Variants in RBFOX3 observed in about 807,000 individuals in gnomAD.
RBFOX3 encodes the protein RNA binding protein fox-1 homolog 3.
A neutral mutation model predicts 48.7 loss-of-function variants in RBFOX3; 17 were observed. The ratio of observed to expected loss-of-function variants is 0.35; its 90% confidence interval spans 0.24 to 0.52. The LOEUF is 0.52. Among genes scored for constraint, RBFOX3 ranks in the 20% least tolerant of loss-of-function variants. The pLI is 0.94. For missense variants in RBFOX3, 382 were observed against 497.5 expected (o/e 0.77, Z 2.21); for synonymous variants, 212 against 209.5 (o/e 1.01, Z -0.10).
At chr17:79,173,665 C>T (rs979844769) in intron 4 of RBFOX3, among the ~76,000 whole-genome samples, 4 of 152,166 alleles carry the variant, frequency 2.6e-5, no homozygotes, top group Non-Finnish European at 4.4e-5. Flanking sequence ...GACCCCATCC[C>T]GTCCGCTCAC....
At chr17:79,531,576 A>T (rs1044864779) in intron 1 of RBFOX3, among the ~76,000 whole-genome samples, 22 of 152,302 alleles carry the variant, frequency 1.4e-4, no homozygotes, top group African/African-American at 5.3e-4. Context: ...CTGCCTGCAG[A>T]AGGGAAAACC....
Position 79,502,668 on chromosome 17 carries a change from T to A in RBFOX3, c.-319-20070A>T, listed in dbSNP as rs1336842298. Among the ~76,000 whole-genome samples, 4 of 152,228 alleles carry A rather than the reference T, an allele frequency of 2.6e-5. No individual in the cohort carries two copies. In the East Asian group the frequency reaches 7.7e-4, roughly 29 times the overall value. ...GCTTGGGCAGAGGGAGCAGCTCCAA[T>A]CTTGCCTTTGAACTGGAGAAAAACG... On this transcript the variant is annotated intron_variant, in intron 1 of 14. Transcript: ENST00000693108.
chr17:79,331,984 T>C, intron 2 of RBFOX3, among the ~76,000 whole-genome samples: 1 of 152,194 alleles, frequency 6.6e-6, no homozygotes, highest in East Asian at 1.9e-4. Flanking sequence ...TGCTCTAGAC[T>C]ATTCTGTTTT....
chr17:79,184,897 C>G (rs1568304320), intron 4 of RBFOX3, among the ~76,000 whole-genome samples: 1 of 152,294 alleles, frequency 6.6e-6, no homozygotes, highest in South Asian at 2.1e-4. Context: ...GTTTCCACAT[C>G]CAGCCCGAGA....
intron 1 of RBFOX3, among the ~76,000 whole-genome samples, chr17:79,501,476 G>A (rs2082376823): frequency 6.6e-6 from 1 of 152,206 alleles, no homozygotes; most frequent in Non-Finnish European, 1.5e-5. Context: ...TGGTGGGGGA[G>A]GCCACTTTTG....
At chr17:79,325,166 C>A (rs1313328817) in intron 2 of RBFOX3, among the ~76,000 whole-genome samples, 1 of 152,238 alleles carries the variant, frequency 6.6e-6, no homozygotes, top group Non-Finnish European at 1.5e-5. Context: ...CAGGGAGAAG[C>A]AGACGGAGGA....
At position 79,390,385 on chromosome 17, in the gene RBFOX3, G is replaced by T. The variant is rs772705485; in HGVS notation, c.-174-82561C>A. 2.0e-5 allele frequency among the ~76,000 whole-genome samples: 3 copies of T among 152,108 alleles called. No homozygotes were observed. The highest frequency in any genetic ancestry group is 6.5e-5 in the Admixed American group (1 of 15,278). On this transcript the variant is annotated intron_variant, in intron 2 of 14. Coordinates refer to ENST00000693108, the MANE Select transcript of RBFOX3 (RefSeq NM_001350451.2). This position sits in a 1 kb window ranked among gnomAD's most constrained non-coding sequence, Gnocchi z 4.2. Reference sequence around the variant, plus strand: ...CATCACGGCCAGGTGACGGGTTCCAGCTCATTCGGGGCTCAGCCCCATCTG... The same window carrying T: ...CATCACGGCCAGGTGACGGGTTCCATCTCATTCGGGGCTCAGCCCCATCTG...
intron 11 of RBFOX3, 21 bp from the exon 12 acceptor site, chr17:79,096,854 A>G: frequency 1.5e-6 from 1 of 671,020 alleles, no homozygotes; most frequent in Non-Finnish European, 2.6e-6. Context: ...ATAACAATAG[A>G]GTAACACCCT....
At chr17:79,173,755 C>T in intron 4 of RBFOX3, among the ~76,000 whole-genome samples, 1 of 152,050 alleles carries the variant, frequency 6.6e-6, no homozygotes, top group East Asian at 1.9e-4. Context: ...TGATTTTACC[C>T]CAGGCCTTCT....
chr17:79,106,568 G>C (rs935894486), intron 6 of RBFOX3, 83 bp downstream of exon 6: 9 of 1,376,668 alleles, frequency 6.5e-6, no homozygotes, highest in Non-Finnish European at 8.4e-6. Context: ...AACAGGTGTC[G>C]GCAGGAAGGC....
intron 4 of RBFOX3, among the ~76,000 whole-genome samples, chr17:79,137,038 G>C (rs965505269): frequency 6.6e-6 from 1 of 152,102 alleles, no homozygotes; most frequent in Non-Finnish European, 1.5e-5. Flanking sequence ...AGGACTCCCA[G>C]AGGTCCAGGC....
chr17:79,556,916 C>G (rs1432412945), intron 1 of RBFOX3, among the ~76,000 whole-genome samples: 1 of 152,186 alleles, frequency 6.6e-6, no homozygotes, highest in South Asian at 2.1e-4. Flanking sequence ...GGGCTTTCCA[C>G]GTCTGTCTCC....
chr17:79,428,183 G>A (rs1555726586), intron 2 of RBFOX3, among the ~76,000 whole-genome samples: 1 of 152,266 alleles, frequency 6.6e-6, no homozygotes, highest in Non-Finnish European at 1.5e-5. Flanking sequence ...CTGGTGCACT[G>A]TAGGTGGCTC....
chr17:79,609,646 G>T (rs1414760533), intron 1 of RBFOX3, among the ~76,000 whole-genome samples: 1 of 113,604 alleles, frequency 8.8e-6, no homozygotes, highest in Admixed American at 1.0e-4. Flanking sequence ...AGTGGACTCC[G>T]GGAACATCCC....
chr17:79,285,464 T>C (rs1451836426), intron 3 of RBFOX3, among the ~76,000 whole-genome samples: 2 of 152,202 alleles, frequency 1.3e-5, no homozygotes, highest in Non-Finnish European at 2.9e-5. Context: ...CCATCTTCAA[T>C]TAACACAGGC....
At chr17:79,248,312 C>T (rs1342550767) in intron 3 of RBFOX3, among the ~76,000 whole-genome samples, 1 of 151,918 alleles carries the variant, frequency 6.6e-6, no homozygotes, top group Non-Finnish European at 1.5e-5. Flanking sequence ...TGGCTCACTG[C>T]AACCTCCACT....
chr17:79,255,254 C>T (rs1201322370), intron 3 of RBFOX3, among the ~76,000 whole-genome samples: 1 of 121,726 alleles, frequency 8.2e-6, no homozygotes. Flanking sequence ...TGTGTGTGTA[C>T]TGGGGGTGTG....
intron 1 of RBFOX3, among the ~76,000 whole-genome samples, chr17:79,546,669 A>ATTT (rs34998319): frequency 0.21 from 25,054 of 121,582 alleles, 2,866 homozygotes; most frequent in East Asian, 0.48. Flanking sequence ...TCCTCATTCT[A>ATTT]TTTTTTTTTT....
intron 1 of RBFOX3, among the ~76,000 whole-genome samples, chr17:79,492,595 G>A (rs1409754297): frequency 1.3e-5 from 2 of 152,214 alleles, no homozygotes; most frequent in African/African-American, 2.4e-5. Flanking sequence ...ACATATCAAC[G>A]CAACCTCGAA....
Sources: gnomAD v4.1 joint callset for allele counts (sites outside exome capture counted in the v4.1 genomes callset) on GRCh38, gnomAD v4.1.1 for gene constraint, Gnocchi (gnomAD v3.1) non-coding constraint, MANE v1.5 for transcripts, NCBI Gene and HGNC (gene_info 2026-07-23, HGNC 2026-07-21) for gene names.